Variants in CELSR1 observed in about 807,000 individuals in gnomAD.
CELSR1 encodes the protein cadherin EGF LAG seven-pass G-type receptor 1.
Under a neutral mutation model 249.1 loss-of-function variants are expected in CELSR1, and 110 were observed. The ratio of observed to expected loss-of-function variants is 0.44; its 90% CI spans 0.38 to 0.52. The LOEUF is 0.52. Among genes scored for constraint, CELSR1 ranks in the 20% least tolerant of loss-of-function variants. The pLI, the probability that CELSR1 is intolerant of heterozygous loss-of-function variation, is 0.00. For missense variants in CELSR1, 4,109 were observed against 4,296.4 expected (o/e 0.96, Z 1.22); for synonymous variants, 2,113 against 1,900.0 (o/e 1.11, Z -2.92).
rs200569713 is a variant in CELSR1 at position 46,433,526 on chromosome 22, G to C, written c.4523-45C>G. 941 of 1,482,766 alleles carry C rather than the reference G, an allele frequency of 6.3e-4. 1 individual carries two copies. The highest frequency in any genetic ancestry group is 8.2e-4 in the Non-Finnish European group (875 of 1,069,732). 91.9% of individuals were successfully genotyped at this position (1,482,766 alleles called of 1,614,324 possible). A position where few individuals can be genotyped will look rare whatever the true frequency, so the allele number is the denominator to read the frequency against. On this transcript the variant is annotated intron_variant, in intron 4 of 34. Coordinates refer to ENST00000674500, the MANE Select transcript of CELSR1 (RefSeq NM_001378328.1). This position sits in a 1 kb window ranked among gnomAD's most constrained non-coding sequence, Gnocchi z 5.7. ...CCCAGAGAGAAAACAGGGGTTGGCG[G>C]GGCCTACTGGGGACCGAGGATTGCG...
rs560336455 is a variant in CELSR1 at position 46,427,877 on chromosome 22, C to A, written c.4611+5516G>T. On this transcript the variant is annotated intron_variant, in intron 5 of 34. Coordinates refer to ENST00000674500, the MANE Select transcript of CELSR1 (RefSeq NM_001378328.1). The surrounding 1 kb of genome is among the most constrained non-coding windows in gnomAD (Gnocchi z 4.2). ...GTCCCATCAAAAAACCTCACCCTGA[C>A]CCAAGTGTCTGGGTGGAAGTCCTCG... Among the ~76,000 whole-genome samples, 1 of 152,142 alleles carries A rather than the reference C, an allele frequency of 6.6e-6. No homozygotes were observed. Among genetic ancestry groups the A allele is most frequent in the Non-Finnish European group, 1.5e-5 (1 of 68,020 alleles).
In CELSR1 at chr22:46,427,323, G is replaced by T. The variant is rs921395868; in HGVS notation, c.4611+6070C>A. On this transcript the variant is annotated intron_variant, in intron 5 of 34. Coordinates refer to ENST00000674500, the MANE Select transcript of CELSR1 (RefSeq NM_001378328.1). This position sits in a 1 kb window ranked among gnomAD's most constrained non-coding sequence, Gnocchi z 4.2. ...GGCCAAGGCAGGGAGATCACCTGAG[G>T]TCAGGAGTTTGAAAACAACCTGGCC... Among the ~76,000 whole-genome samples the T allele has an allele frequency of 6.6e-6, 1 of 152,186 alleles. No homozygotes were observed. The highest frequency in any genetic ancestry group is 1.5e-5 in the Non-Finnish European group (1 of 68,040).
In CELSR1 at chr22:46,463,700, C is replaced by A. The variant is rs1054771821; in HGVS notation, c.4183+7G>T. 6.6e-7 allele frequency: 1 copy of A among 1,512,386 alleles called. No homozygotes were observed. The allele number at this position is 1,512,386 out of a possible 1,614,324, so 93.7% of individuals were successfully genotyped here. ...TACACAAAGCCAGGGTGAGCCCGGG[C>A]ACCTACCAGTGAAGTCCTCGAAGCA... On this transcript the variant is annotated splice_region_variant and intron_variant, in intron 2 of 34. Transcript: ENST00000674500.
chr22:46,370,559 G>T (rs192295674), intron 25 of CELSR1, among the ~76,000 whole-genome samples: 64 of 152,226 alleles, frequency 4.2e-4, no homozygotes, highest in Non-Finnish European at 7.8e-4. Flanking sequence ...TGTCCATGCA[G>T]AGCATCAAGG....
chr22:46,363,815 G>T lies in CELSR1; in HGVS notation c.9035+181C>A. ...AGGATAGGGGGTCTGCCCATCTCCG[G>T]GGTATCCTCCTGACCTCAGCTGCAG... On this transcript the variant is annotated intron_variant, in intron 34 of 34. Coordinates refer to ENST00000674500, the MANE Select transcript of CELSR1 (RefSeq NM_001378328.1). This position sits in a 1 kb window ranked among gnomAD's most constrained non-coding sequence, Gnocchi z 4.3. 1 of 791,810 alleles carries T rather than the reference G, an allele frequency of 1.3e-6. No individual in the cohort carries two copies. Among genetic ancestry groups the T allele is most frequent in the Non-Finnish European group, 1.9e-6 (1 of 523,516 alleles). 49.0% of individuals were successfully genotyped at this position (791,810 alleles called of 1,614,324 possible). A position where few individuals can be genotyped will look rare whatever the true frequency, so the allele number is the denominator to read the frequency against.
Position 46,384,564 on chromosome 22 carries a change from A to G in CELSR1, c.6862T>C (p.Phe2288Leu), listed in dbSNP as rs2079012271. 4 of 1,611,924 alleles carry G rather than the reference A, an allele frequency of 2.5e-6. No individual in the cohort carries two copies. Among genetic ancestry groups the G allele is most frequent in the Admixed American group, 1.7e-5 (1 of 59,574 alleles). ...TTACCTTTTTCTTCAGGTGGTCTGA[A>G]GAAGTCGGCTGGGAAGGAGACGGAG... is the stretch of plus-strand genomic sequence containing the variant. ...ESSVSFPADF[F>L]RPPEEKEGPL... Residue 2288 changes from phenylalanine to leucine, a missense_variant, in exon 20 of 35, where the codon TTC becomes CTC. Physicochemically the swap from Phe to Leu is conservative, Grantham distance 22. Around this residue, in one of 7 missense-constraint regions of CELSR1, gnomAD observed 1,805 missense variants for 1,831.6 expected, o/e 0.99. Coordinates refer to ENST00000674500, the MANE Select transcript of CELSR1 (RefSeq NM_001378328.1).
chr22:46,378,131 G>T (rs1250639419), intron 23 of CELSR1, among the ~76,000 whole-genome samples: 1 of 152,246 alleles, frequency 6.6e-6, no homozygotes, highest in Non-Finnish European at 1.5e-5. Context: ...TTAAACATTA[G>T]CCGCCCAGCC....
rs760349544 is a variant in CELSR1 at position 46,377,275 on chromosome 22, G to T, written c.7384-14C>A. The T allele has an allele frequency of 6.2e-7, 1 of 1,613,130 alleles. No individual in the cohort carries two copies. Among genetic ancestry groups the T allele is most frequent in the Non-Finnish European group, 8.5e-7 (1 of 1,179,580 alleles). On this transcript the variant is annotated splice_polypyrimidine_tract_variant and intron_variant, in intron 23 of 34. Coordinates refer to ENST00000674500, the MANE Select transcript of CELSR1 (RefSeq NM_001378328.1). ...GACCTCCCCGTTCTATGGGCAGGAGGGTTAAAGGCAGGAGAGAAGGTAAGG... is the reference window on the plus strand; with the variant it reads ...GACCTCCCCGTTCTATGGGCAGGAGTGTTAAAGGCAGGAGAGAAGGTAAGG...
At position 46,380,441 on chromosome 22, in the gene CELSR1, G is replaced by A. The variant is rs753624052; in HGVS notation, c.7256+347C>T. On this transcript the variant is annotated intron_variant, in intron 22 of 34. Coordinates refer to ENST00000674500, the MANE Select transcript of CELSR1 (RefSeq NM_001378328.1). This position sits in a 1 kb window ranked among gnomAD's most constrained non-coding sequence, Gnocchi z 5.1. ...TGACCGGAATGGGCCTGTCTTATCC[G>A]GCGGTGAACTGGGCACTACACTAGT... Among the ~76,000 whole-genome samples the A allele has an allele frequency of 5.3e-5, 8 of 152,334 alleles. No individual in the cohort carries two copies. Among genetic ancestry groups the A allele is most frequent in the South Asian group, 2.1e-4 (1 of 4,818 alleles).
At chr22:46,478,816 C>T (rs576571287) in intron 1 of CELSR1, among the ~76,000 whole-genome samples, 7 of 151,546 alleles carry the variant, frequency 4.6e-5, no homozygotes, top group African/African-American at 1.7e-4. Flanking sequence ...CCTCCCAAAG[C>T]GCTGGGATTA....
chr22:46,501,542 C>T (rs2080466868), intron 1 of CELSR1, among the ~76,000 whole-genome samples: 1 of 152,086 alleles, frequency 6.6e-6, no homozygotes, highest in Non-Finnish European at 1.5e-5. Flanking sequence ...TTTAAATAAG[C>T]TAATAGGAGA....
In CELSR1 at chr22:46,409,867, C is replaced by G; in HGVS notation, c.4947G>C (p.Arg1649=). ...ACCGCCTCCCATCGCAGAAGTTCCT[C>G]CGAGCAGCGCAGCCTGGCAACACAG... The part of the protein sequence containing the change: ...NNGTREGCAA[R]RNFCDGRRCQ... The change falls in exon 8 of 35, where the codon CGG becomes CGC. Residue 1649 remains arginine, a synonymous_variant. Coordinates refer to ENST00000674500, the MANE Select transcript of CELSR1 (RefSeq NM_001378328.1). This position sits in a 1 kb window ranked among gnomAD's most constrained non-coding sequence, Gnocchi z 9.8. 1.9e-6 allele frequency: 3 copies of G among 1,613,364 alleles called. No individual in the cohort carries two copies. The highest frequency in any genetic ancestry group is 2.5e-6 in the Non-Finnish European group (3 of 1,179,992).
Position 46,445,494 on chromosome 22 carries a change from A to C in CELSR1, c.4184-6083T>G, listed in dbSNP as rs2079808420. Among the ~76,000 whole-genome samples, 2 of 152,114 alleles carry C rather than the reference A, an allele frequency of 1.3e-5. No individual in the cohort carries two copies. Among genetic ancestry groups the C allele is most frequent in the African/African-American group, 4.8e-5 (2 of 41,424 alleles). ...TGGGTGACAGAGCAAGACTGTCTCT[A>C]AAAAAATGAATAAAAAATAAAGACA... On this transcript the variant is annotated intron_variant, in intron 2 of 34. Transcript: ENST00000674500. This position sits in a 1 kb window ranked among gnomAD's most constrained non-coding sequence, Gnocchi z 4.4.
intron 1 of CELSR1, among the ~76,000 whole-genome samples, chr22:46,478,216 G>A (rs544807619): frequency 1.3e-5 from 2 of 152,310 alleles, no homozygotes; most frequent in East Asian, 1.9e-4. Flanking sequence ...CGACAGCGCC[G>A]TCTGGGGCAT....
intron 9 of CELSR1, among the ~76,000 whole-genome samples, chr22:46,404,836 T>G (rs987834483): frequency 2.0e-5 from 3 of 151,806 alleles, no homozygotes; most frequent in Non-Finnish European, 2.9e-5. Flanking sequence ...CTATTTTGTC[T>G]TTTTTTTGAG....
intron 2 of CELSR1, among the ~76,000 whole-genome samples, chr22:46,459,529 C>T (rs1041487341): frequency 3.9e-5 from 6 of 152,208 alleles, no homozygotes; most frequent in Non-Finnish European, 7.3e-5. Context: ...ACAGCTGCAG[C>T]TCAGAAGCCA....
Position 46,380,698 on chromosome 22 carries a change from C to T in CELSR1, c.7256+90G>A. ...AACACAGACCACAAGAGACCGTCCT[C>T]TTGGGGCGCTCTGCCACTGAGCCCC... On this transcript the variant is annotated intron_variant, in intron 22 of 34. Coordinates refer to ENST00000674500, the MANE Select transcript of CELSR1 (RefSeq NM_001378328.1). The surrounding 1 kb of genome is among the most constrained non-coding windows in gnomAD (Gnocchi z 5.1). 6.8e-7 allele frequency: 1 copy of T among 1,465,296 alleles called. No homozygotes were observed. The highest frequency in any genetic ancestry group is 1.9e-5 in the Admixed American group (1 of 52,648). The allele number at this position is 1,465,296 out of a possible 1,614,324, so 90.8% of individuals were successfully genotyped here.
chr22:46,444,596 C>T (rs548525768), intron 2 of CELSR1, among the ~76,000 whole-genome samples: 4 of 152,290 alleles, frequency 2.6e-5, no homozygotes, highest in East Asian at 1.9e-4. Context: ...TTTTTTAATG[C>T]GGAGTTGTAT....
intron 1 of CELSR1, among the ~76,000 whole-genome samples, chr22:46,466,436 A>T (rs742407): frequency 6.6e-6 from 1 of 152,218 alleles, no homozygotes. Context: ...CCCACACTAG[A>T]GAGGGCACAT....
Sources: gnomAD v4.1 joint callset for allele counts (sites outside exome capture counted in the v4.1 genomes callset) on GRCh38, gnomAD v4.1.1 for gene constraint, gnomAD v4.1.1 regional missense constraint, Gnocchi (gnomAD v3.1) non-coding constraint, MANE v1.5 for transcripts, NCBI Gene and HGNC (gene_info 2026-07-23, HGNC 2026-07-21) for gene names.